The following NFIA variants were observed in gnomAD, a reference collection of about 807,000 sequenced individuals.
NFIA encodes nuclear factor 1 A-type.
In NFIA, 8 loss-of-function variants were observed where a neutral mutation model predicts 62.8. The ratio of observed to expected loss-of-function variants is 0.13; its 90% CI spans 0.07 to 0.23. The LOEUF is 0.23. Ranked by LOEUF, NFIA falls within the 10% of genes least tolerant of loss-of-function variation. The probability of loss-of-function intolerance (pLI) is 1.00; values close to 1 mark genes in which losing one functional copy is unlikely to be tolerated. For synonymous variants in NFIA, 235 were observed against 238.1 expected (o/e 0.99, Z 0.12); for missense variants, 410 against 642.1 (o/e 0.64, Z 3.91).
chr1:61,441,103 A>T (rs1667552326), intron 10 of NFIA, among the ~76,000 whole-genome samples: 4 of 152,206 alleles, frequency 2.6e-5, no homozygotes, highest in Admixed American at 2.6e-4. Flanking sequence ...ACCTGTTATG[A>T]GTGAAGGAAG....
At chr1:61,370,896 A>T (rs1280249444) in intron 6 of NFIA, among the ~76,000 whole-genome samples, 1 of 152,168 alleles carries the variant, frequency 6.6e-6, no homozygotes, top group Non-Finnish European at 1.5e-5. Context: ...GCGTAGCTGG[A>T]AGTGCACTCA....
intron 2 of NFIA, among the ~76,000 whole-genome samples, chr1:61,226,813 G>T (rs1399460763): frequency 3.9e-5 from 6 of 152,114 alleles, no homozygotes; most frequent in Non-Finnish European, 8.8e-5. Flanking sequence ...CATATGTATT[G>T]GGCAGGTTGC....
In NFIA at chr1:61,328,723, A is replaced by C. The variant is rs1317668987; in HGVS notation, c.626-3789A>C. ...CATAAACCACCGCACCCGGCCTATA[A>C]TTTTTTTTTTTTTTTTTTGAGACGG... On this transcript the variant is annotated intron_variant, in intron 3 of 10. Transcript: ENST00000403491. Among the ~76,000 whole-genome samples the C allele has an allele frequency of 4.6e-5, 5 of 108,932 alleles. No individual in the cohort carries two copies. In the South Asian group the frequency reaches 1.5e-3, roughly 32 times the overall value. 71.5% of individuals were successfully genotyped at this position (108,932 alleles called of 152,430 possible).
intron 2 of NFIA, among the ~76,000 whole-genome samples, chr1:61,107,237 AGATAGTGATATTTTAT>A (rs1646619410): frequency 6.6e-6 from 1 of 151,530 alleles, no homozygotes; most frequent in Admixed American, 6.6e-5. Context: ...TTTTAAGAAA[AGATAGTGATATTTTAT>A]CTTACTAACA....
chr1:61,218,428 A>G (rs1184073621), intron 2 of NFIA, among the ~76,000 whole-genome samples: 1 of 152,220 alleles, frequency 6.6e-6, no homozygotes, highest in Non-Finnish European at 1.5e-5. Context: ...CCCACAGATG[A>G]TAAAATCCAC....
chr1:61,300,359 A>G (rs1345675257), intron 3 of NFIA, among the ~76,000 whole-genome samples: 2 of 152,140 alleles, frequency 1.3e-5, no homozygotes, highest in Non-Finnish European at 2.9e-5. Context: ...TAATAAGCAT[A>G]TTGAATTTTT....
chr1:61,107,836 T>C (rs1033589074), intron 2 of NFIA, among the ~76,000 whole-genome samples: 1 of 151,752 alleles, frequency 6.6e-6, no homozygotes, highest in Non-Finnish European at 1.5e-5. Context: ...TTGTGTATGG[T>C]GTGAGGTAGG....
chr1:61,093,779 G>C (rs2100423476), intron 2 of NFIA, among the ~76,000 whole-genome samples: 1 of 152,344 alleles, frequency 6.6e-6, no homozygotes, highest in Non-Finnish European at 1.5e-5. Flanking sequence ...AAGAGGTTGA[G>C]TGTGTTGGTA....
chr1:61,286,564 T>C (rs1385662547), intron 3 of NFIA, among the ~76,000 whole-genome samples: 1 of 152,180 alleles, frequency 6.6e-6, no homozygotes, highest in East Asian at 1.9e-4. Flanking sequence ...CACCATTTGT[T>C]CGTTCATTCA....
intron 2 of NFIA, among the ~76,000 whole-genome samples, chr1:61,096,547 C>CT (rs369305204): frequency 0.018 from 1,451 of 80,546 alleles, 24 homozygotes; most frequent in Middle Eastern, 0.026. Flanking sequence ...AAGATTAGTT[C>CT]TTTTTTTTTT....
chr1:61,396,719 G>A (rs1050656878), intron 7 of NFIA, among the ~76,000 whole-genome samples: 10 of 152,060 alleles, frequency 6.6e-5, no homozygotes, highest in Non-Finnish European at 1.5e-4. Flanking sequence ...GTGCCTGGGG[G>A]CCAGGCACAG....
intron 7 of NFIA, among the ~76,000 whole-genome samples, chr1:61,395,883 G>A (rs114911666): frequency 0.011 from 1,643 of 152,292 alleles, 34 homozygotes; most frequent in African/African-American, 0.037. Flanking sequence ...TAGATATACT[G>A]TACAACTTAA....
At chr1:61,358,704 T>A (rs1663115638) in intron 5 of NFIA, among the ~76,000 whole-genome samples, 1 of 152,082 alleles carries the variant, frequency 6.6e-6, no homozygotes, top group South Asian at 2.1e-4. Flanking sequence ...AAGCTTTTCC[T>A]GAAGGATCAC....
intron 2 of NFIA, among the ~76,000 whole-genome samples, chr1:61,163,402 A>G (rs1211411525): frequency 6.6e-5 from 10 of 152,106 alleles, no homozygotes; most frequent in Non-Finnish European, 1.5e-5. Flanking sequence ...GACTCACTTT[A>G]TTTTAAAGCA....
intron 3 of NFIA, among the ~76,000 whole-genome samples, chr1:61,302,208 G>T (rs1659530655): frequency 6.6e-6 from 1 of 152,034 alleles, no homozygotes; most frequent in African/African-American, 2.4e-5. Flanking sequence ...GCTCCGGATG[G>T]GTACTCTACA....
At chr1:61,282,493 T>C (rs1658197519) in intron 3 of NFIA, among the ~76,000 whole-genome samples, 1 of 152,218 alleles carries the variant, frequency 6.6e-6, no homozygotes, top group African/African-American at 2.4e-5. Context: ...TTACAGGGCC[T>C]GTGAACAGTC....
At chr1:61,360,748 A>T (rs1285116504) in intron 6 of NFIA, among the ~76,000 whole-genome samples, 1 of 152,226 alleles carries the variant, frequency 6.6e-6, no homozygotes, top group African/African-American at 2.4e-5. Flanking sequence ...GGTCACAGTA[A>T]TCTATACAAT....
In NFIA at chr1:61,331,595, G is replaced by T. The variant is rs144746950; in HGVS notation, c.626-917G>T. Among the ~76,000 whole-genome samples, 96 of 152,214 alleles carry T rather than the reference G, an allele frequency of 6.3e-4. No individual in the cohort carries two copies. The East Asian group carries it at 0.018, about 28-fold the overall frequency. ...CTTCGGCCAACAATTTTTTGACCCAGATTTTAAAGCAGGGAAAGACTAAGC... is the reference window on the plus strand; with the variant it reads ...CTTCGGCCAACAATTTTTTGACCCATATTTTAAAGCAGGGAAAGACTAAGC... On this transcript the variant is annotated intron_variant, in intron 3 of 10. Transcript: ENST00000403491.
intron 6 of NFIA, among the ~76,000 whole-genome samples, chr1:61,377,800 C>T (rs1284272979): frequency 6.6e-6 from 1 of 152,188 alleles, no homozygotes; most frequent in African/African-American, 2.4e-5. Flanking sequence ...CAGCACTTAC[C>T]AGGGATACTT....
Sources: allele counts gnomAD v4.1 joint callset (sites outside exome capture counted in the v4.1 genomes callset), GRCh38; gene constraint gnomAD v4.1.1; transcripts MANE v1.5; gene names NCBI Gene and HGNC (gene_info 2026-07-23, HGNC 2026-07-21).